Variants in MATN2 observed in about 807,000 individuals in gnomAD.
MATN2 encodes the protein matrilin 2.
In MATN2, 69 loss-of-function variants were observed where a neutral mutation model predicts 103.2. The ratio of observed to expected loss-of-function variants is 0.67; its 90% CI spans 0.55 to 0.82. The LOEUF is 0.82. MATN2 is among the 40% of genes least tolerant of loss of function. The probability of loss-of-function intolerance (pLI) is 0.00; values close to 1 mark genes in which losing one functional copy is unlikely to be tolerated. For synonymous variants in MATN2, 429 were observed against 450.2 expected (o/e 0.95, Z 0.60); for missense variants, 1,023 against 1,211.5 (o/e 0.84, Z 2.31).
intron 1 of MATN2, among the ~76,000 whole-genome samples, chr8:97,877,189 T>C (rs1243239775): frequency 6.6e-6 from 1 of 151,474 alleles, no homozygotes; most frequent in Non-Finnish European, 1.5e-5. Context: ...AAAAAATTTT[T>C]TGGGGGGGCC....
At chr8:97,957,240 G>A (rs1811173000) in intron 4 of MATN2, among the ~76,000 whole-genome samples, 1 of 152,146 alleles carries the variant, frequency 6.6e-6, no homozygotes. Context: ...CGGGGCAGGG[G>A]GAGCTCTGGA....
chr8:97,900,892 G>A (rs1340970546), intron 2 of MATN2, among the ~76,000 whole-genome samples: 2 of 152,076 alleles, frequency 1.3e-5, no homozygotes, highest in South Asian at 2.1e-4. Flanking sequence ...CCGAGATAGC[G>A]CCACTGCACT....
chr8:97,940,825 T>A (rs776267171), intron 3 of MATN2, among the ~76,000 whole-genome samples: 3 of 152,234 alleles, frequency 2.0e-5, no homozygotes, highest in Non-Finnish European at 4.4e-5. Flanking sequence ...GACAGACTTA[T>A]GCAGGAACCA....
At chr8:97,902,506 A>C (rs1474338133) in intron 2 of MATN2, among the ~76,000 whole-genome samples, 1 of 151,614 alleles carries the variant, frequency 6.6e-6, no homozygotes, top group Non-Finnish European at 1.5e-5. Flanking sequence ...TCAAAAAAAA[A>C]AAAAGAATAA....
At chr8:97,875,734 C>T (rs1324064385) in intron 1 of MATN2, among the ~76,000 whole-genome samples, 10 of 113,044 alleles carry the variant, frequency 8.8e-5, no homozygotes, top group Admixed American at 5.1e-4. Flanking sequence ...CTCACTCTGT[C>T]GCCCAGGCTG....
intron 1 of MATN2, among the ~76,000 whole-genome samples, chr8:97,886,381 C>T (rs1818428572): frequency 6.6e-6 from 1 of 152,186 alleles, no homozygotes; most frequent in African/African-American, 2.4e-5. Context: ...ATATTGGTCC[C>T]TGATGCCAAA....
At chr8:97,979,322 C>T (rs4735517) in intron 6 of MATN2, among the ~76,000 whole-genome samples, 8,485 of 152,320 alleles carry the variant, frequency 0.056, 286 homozygotes, top group South Asian at 0.079. Flanking sequence ...TGCCCATCAG[C>T]ACTAACAGGG....
Position 98,027,558 on chromosome 8 carries a change from G to GCT in MATN2, c.2086_2087dup (p.Leu697CysfsTer14). 6.2e-7 allele frequency: 1 copy of GCT among 1,613,878 alleles called. No homozygotes were observed. The highest frequency in any genetic ancestry group is 8.5e-7 in the Non-Finnish European group (1 of 1,179,866). ...TTTCCCCCAAAGCCGCTCGAGTGGG[G>GCT]CTGCTCCAGTATTCCACACAGGTCC... On this transcript the variant is annotated frameshift_variant, in exon 14 of 19. Coordinates refer to ENST00000254898, the MANE Select transcript of MATN2 (RefSeq NM_002380.5). LOFTEE classifies it high-confidence loss of function.
chr8:97,871,309 G>A (rs900835001), intron 1 of MATN2, among the ~76,000 whole-genome samples: 1 of 152,196 alleles, frequency 6.6e-6, no homozygotes, highest in Non-Finnish European at 1.5e-5. Context: ...GGAGTGAGGT[G>A]GGGAGACTAA....
chr8:98,027,986 A>T (rs1446832440), intron 14 of MATN2, among the ~76,000 whole-genome samples, 157 bp downstream of exon 14: 4 of 152,184 alleles, frequency 2.6e-5, no homozygotes, highest in Non-Finnish European at 4.4e-5. Context: ...TGCCACCTAG[A>T]AGCCTTAACA....
At chr8:97,949,439 G>C (rs1180026922) in intron 4 of MATN2, among the ~76,000 whole-genome samples, 1 of 152,034 alleles carries the variant, frequency 6.6e-6, no homozygotes. Context: ...CTCCCAAAGT[G>C]CTGGGATTAC....
intron 5 of MATN2, among the ~76,000 whole-genome samples, chr8:97,972,073 G>A (rs1205394514): frequency 6.6e-6 from 1 of 151,978 alleles, no homozygotes; most frequent in Non-Finnish European, 1.5e-5. Flanking sequence ...GCACACACCT[G>A]TAGTCCCAGC....
At chr8:97,936,804 A>C (rs1810382921) in intron 3 of MATN2, among the ~76,000 whole-genome samples, 1 of 152,204 alleles carries the variant, frequency 6.6e-6, no homozygotes, top group Non-Finnish European at 1.5e-5. Flanking sequence ...CCCATCCCAC[A>C]GAGGGCAAGG....
chr8:97,977,235 C>CAA lies in MATN2; in HGVS notation c.959-1622_959-1621dup, dbSNP rs34634037. 2.6e-3 allele frequency among the ~76,000 whole-genome samples: 92 copies of CAA among 35,938 alleles called. 11 individuals carry two copies. Among genetic ancestry groups the CAA allele is most frequent in the African/African-American group, 7.6e-3 (58 of 7,614 alleles). The allele number at this position is 35,938 out of a possible 152,430, so 23.6% of individuals were successfully genotyped here. ...TGGGAGACAAAGTGAGACCCTGTCTCAAAAAAAAAAAAAAAAAAAAAAAAA... is the reference window on the plus strand; with the variant it reads ...TGGGAGACAAAGTGAGACCCTGTCTCAAAAAAAAAAAAAAAAAAAAAAAAAAA... On this transcript the variant is annotated intron_variant, in intron 5 of 18. Transcript: ENST00000254898.
At chr8:97,919,870 G>A (rs1006677584) in intron 2 of MATN2, among the ~76,000 whole-genome samples, 3 of 152,210 alleles carry the variant, frequency 2.0e-5, no homozygotes, top group African/African-American at 7.2e-5. Flanking sequence ...GGGAGTGTTG[G>A]GGCTCAGAGG....
At chr8:97,947,328 C>A (rs1367059450) in intron 4 of MATN2, among the ~76,000 whole-genome samples, 1 of 152,190 alleles carries the variant, frequency 6.6e-6, no homozygotes, top group East Asian at 1.9e-4. Context: ...AAGATTGCAC[C>A]ACTGCACTCC....
At chr8:97,880,906 AGACT>A (rs1448393882) in intron 1 of MATN2, among the ~76,000 whole-genome samples, 1 of 152,176 alleles carries the variant, frequency 6.6e-6, no homozygotes, top group Non-Finnish European at 1.5e-5. Flanking sequence ...CTTAACAAGT[AGACT>A]GACTGCCTGA....
chr8:97,971,456 T>G (rs901944829), intron 5 of MATN2, among the ~76,000 whole-genome samples: 2 of 152,202 alleles, frequency 1.3e-5, no homozygotes, highest in Non-Finnish European at 2.9e-5. Context: ...ACAGCTCATT[T>G]CACCATTGAG....
intron 1 of MATN2, among the ~76,000 whole-genome samples, chr8:97,874,723 CTTT>C (rs879510033): frequency 6.9e-6 from 1 of 144,422 alleles, no homozygotes; most frequent in Non-Finnish European, 1.5e-5. Flanking sequence ...ACCTCTTCTA[CTTT>C]TTTTTTTTTG....
Sources: gnomAD v4.1 joint callset for allele counts (sites outside exome capture counted in the v4.1 genomes callset) on GRCh38, gnomAD v4.1.1 for gene constraint, MANE v1.5 for transcripts, NCBI Gene and HGNC (gene_info 2026-07-23, HGNC 2026-07-21) for gene names.